TMEM220: variants seen among roughly 807,000 people sequenced by gnomAD.
The protein encoded by TMEM220 is transmembrane protein 220.
A neutral mutation model predicts 21.7 loss-of-function variants in TMEM220; 21 were observed. The ratio of observed to expected loss-of-function variants is 0.97; its 90% confidence interval spans 0.69 to 1.39. The LOEUF is 1.39. Among genes scored for constraint, TMEM220 ranks in the 40% most tolerant of loss-of-function variants. TMEM220 has a pLI of 0.00. For synonymous variants in TMEM220, 80 were observed against 73.6 expected (o/e 1.09, Z -0.45); for missense variants, 191 against 201.9 (o/e 0.95, Z 0.33).
intron 2 of TMEM220, 155 bp from the exon 3 acceptor site, chr17:10,726,419 T>C: frequency 3.0e-6 from 2 of 664,818 alleles, no homozygotes; most frequent in Non-Finnish European, 5.4e-6. Context: ...AAGTGGTAGA[T>C]TCTCCTTTTG....
intron 5 of TMEM220, among the ~76,000 whole-genome samples, chr17:10,717,343 C>G (rs1271486286): frequency 2.0e-5 from 3 of 151,356 alleles, no homozygotes; most frequent in Admixed American, 2.0e-4. Context: ...AGGTTAAGTT[C>G]CCTCCTACGC....
intron 5 of TMEM220, among the ~76,000 whole-genome samples, chr17:10,720,952 G>C (rs1489419530): frequency 6.6e-6 from 1 of 152,066 alleles, no homozygotes; most frequent in Non-Finnish European, 1.5e-5. Context: ...TGTTCAATAA[G>C]GTTAATAAGA....
intron 5 of TMEM220, among the ~76,000 whole-genome samples, chr17:10,719,188 T>C (rs35564670): frequency 0.14 from 20,831 of 152,246 alleles, 1,842 homozygotes; most frequent in Admixed American, 0.25. Flanking sequence ...GGTGTTGAGA[T>C]AACCAGATAG....
At chr17:10,717,503 G>A (rs2074936880) in intron 5 of TMEM220, among the ~76,000 whole-genome samples, 1 of 152,118 alleles carries the variant, frequency 6.6e-6, no homozygotes, top group South Asian at 2.1e-4. Flanking sequence ...AACTAACTTT[G>A]CATTCCTAGA....
chr17:10,715,286 T>G lies in TMEM220; in HGVS notation c.*167A>C. On this transcript the variant is annotated 3_prime_UTR_variant, in exon 6 of 6. Coordinates refer to ENST00000341871, the MANE Select transcript of TMEM220 (RefSeq NM_001004313.3). ...TGGAAAATATCAGACCATCTCTTAC[T>G]TGTCCCATCCAATCTTACATCGAAT... is the stretch of plus-strand genomic sequence containing the variant. 1 of 560,066 alleles carries G rather than the reference T, an allele frequency of 1.8e-6. No homozygotes were observed. The allele number at this position is 560,066 out of a possible 1,614,324, so 34.7% of individuals were successfully genotyped here. A position where few individuals can be genotyped will look rare whatever the true frequency, so the allele number is the denominator to read the frequency against.
intron 5 of TMEM220, among the ~76,000 whole-genome samples, chr17:10,718,589 T>C (rs2074952115): frequency 6.6e-6 from 1 of 152,202 alleles, no homozygotes; most frequent in Non-Finnish European, 1.5e-5. Flanking sequence ...TGTTTCCCTC[T>C]AAGCATGATT....
chr17:10,716,153 C>T (rs1221722079), intron 5 of TMEM220: 1 of 870,212 alleles, frequency 1.1e-6, no homozygotes, highest in Non-Finnish European at 1.9e-6. Context: ...TAATAAAATA[C>T]TCATAAGCCT....
At chr17:10,725,946 G>C (rs1043127044) in intron 3 of TMEM220, among the ~76,000 whole-genome samples, 3 of 152,160 alleles carry the variant, frequency 2.0e-5, no homozygotes, top group African/African-American at 7.2e-5. Context: ...GCCCCACTAG[G>C]AGAAACTGTT....
chr17:10,714,938 G>C lies in TMEM220; in HGVS notation c.*515C>G, dbSNP rs528628891. The C allele has an allele frequency of 6.6e-6, 1 of 151,292 alleles. No homozygotes were observed. Among genetic ancestry groups the C allele is most frequent in the Non-Finnish European group, 1.5e-5 (1 of 68,512 alleles). 9.4% of individuals were successfully genotyped at this position (151,292 alleles called of 1,614,324 possible). A position where few individuals can be genotyped will look rare whatever the true frequency, so the allele number is the denominator to read the frequency against. On this transcript the variant is annotated 3_prime_UTR_variant, in exon 6 of 6. Coordinates refer to ENST00000341871, the MANE Select transcript of TMEM220 (RefSeq NM_001004313.3). ...CTGTCTTAAAAAAAAAAAAAGATCG[G>C]GGTATAGCCCTCTCTTGAATGTCTA...
In TMEM220 at chr17:10,726,223, T is replaced by C. The variant is rs757638261; in HGVS notation, c.144A>G (p.Gly48=). 4 of 1,613,846 alleles carry C rather than the reference T, an allele frequency of 2.5e-6. No homozygotes were observed. Among genetic ancestry groups the C allele is most frequent in the East Asian group, 4.5e-5 (2 of 44,880 alleles). The change falls in exon 3 of 6, where the codon GGA becomes GGG. Residue 48 remains glycine (G), a synonymous_variant. Coordinates refer to ENST00000341871, the MANE Select transcript of TMEM220 (RefSeq NM_001004313.3). ...TIPAVLTLLV[G]LNPEVTGNVI... ...TTATACCTGTGACTTCAGGGTTAAG[T>C]CCAACAAGCAGGGTCAGTACTGCAG...
intron 5 of TMEM220, among the ~76,000 whole-genome samples, chr17:10,722,830 T>G (rs1158514072): frequency 6.6e-6 from 1 of 152,018 alleles, no homozygotes; most frequent in African/African-American, 2.4e-5. Context: ...AAAACTACGG[T>G]TTTTGTGGAC....
At chr17:10,722,237 C>T (rs921054694) in intron 5 of TMEM220, among the ~76,000 whole-genome samples, 2 of 152,138 alleles carry the variant, frequency 1.3e-5, no homozygotes, top group Admixed American at 6.5e-5. Flanking sequence ...TCAGTTGATC[C>T]GCCTGCCTCG....
chr17:10,715,358 C>A lies in TMEM220; in HGVS notation c.*95G>T. Reference sequence around the variant, plus strand: ...ATTTGGAGTTTTAAAACTATTAGCCCAAATTACCTGAAATAAACTCCTGGC... The same window carrying A: ...ATTTGGAGTTTTAAAACTATTAGCCAAAATTACCTGAAATAAACTCCTGGC... On this transcript the variant is annotated 3_prime_UTR_variant, in exon 6 of 6. Transcript: ENST00000341871. 8.0e-7 allele frequency: 1 copy of A among 1,246,808 alleles called. No individual in the cohort carries two copies. Among genetic ancestry groups the A allele is most frequent in the Non-Finnish European group, 1.1e-6 (1 of 903,356 alleles). 77.2% of individuals were successfully genotyped at this position (1,246,808 alleles called of 1,614,324 possible).
At chr17:10,715,931 T>C in intron 5 of TMEM220, 1 of 358,474 alleles carries the variant, frequency 2.8e-6, no homozygotes. Context: ...AGTTTTGTTT[T>C]GCTTTTTTTA....
Position 10,714,603 on chromosome 17 carries a change from A to T in TMEM220, c.*850T>A, listed in dbSNP as rs986529926. ...GAGTTCTCCTTTAGTTCACTGCACT[A>T]TGCCAGCTCTGGATAAGATTAGTTT... On this transcript the variant is annotated 3_prime_UTR_variant, in exon 6 of 6. Transcript: ENST00000341871. 3.9e-5 allele frequency: 6 copies of T among 152,334 alleles called. No homozygotes were observed. Among genetic ancestry groups the T allele is most frequent in the Admixed American group, 3.9e-4 (6 of 15,290 alleles). The allele number at this position is 152,334 out of a possible 1,614,324, so 9.4% of individuals were successfully genotyped here.
At chr17:10,713,006 C>T (rs9674463), downstream of TMEM220, among the ~76,000 whole-genome samples, 491 of 152,262 alleles carry the variant, frequency 3.2e-3, no homozygotes, top group African/African-American at 0.011. Context: ...TATGGTGGCT[C>T]ATGCCTATAA....
Position 10,715,137 on chromosome 17 carries a change from CAGG to C in TMEM220, c.*313_*315del. On this transcript the variant is annotated 3_prime_UTR_variant, in exon 6 of 6. Coordinates refer to ENST00000341871, the MANE Select transcript of TMEM220 (RefSeq NM_001004313.3). Reference sequence around the variant, plus strand: ...TCCTATTTTATAGATAAATATCCACCAGGAGGTTTATATATTTGCCCAAATTAC... The same window carrying C: ...TCCTATTTTATAGATAAATATCCACCAGGTTTATATATTTGCCCAAATTAC... 5.0e-6 allele frequency: 1 copy of C among 201,364 alleles called. No homozygotes were observed. Among genetic ancestry groups the C allele is most frequent in the Non-Finnish European group, 9.9e-6 (1 of 100,996 alleles). The allele number at this position is 201,364 out of a possible 1,614,324, so 12.5% of individuals were successfully genotyped here.
chr17:10,716,058 CA>C (rs2074915073), intron 5 of TMEM220: 1 of 680,786 alleles, frequency 1.5e-6, no homozygotes, highest in African/African-American at 1.8e-5. Context: ...CCCATGTCCA[CA>C]TCAATATTCA....
At chr17:10,713,209 T>G (rs183923715), downstream of TMEM220, 1 of 150,530 alleles carries the variant, frequency 6.6e-6, no homozygotes, top group Admixed American at 6.6e-5. Flanking sequence ...AGGTGGAGAT[T>G]GTAGTGAACT....
Sources: allele counts gnomAD v4.1 joint callset (sites outside exome capture counted in the v4.1 genomes callset), GRCh38; gene constraint gnomAD v4.1.1; transcripts MANE v1.5; gene names NCBI Gene and HGNC (gene_info 2026-07-23, HGNC 2026-07-21).